UBE2K: variants seen among roughly 807,000 people sequenced by gnomAD.
UBE2K encodes ubiquitin-conjugating enzyme E2 K.
Under a neutral mutation model 30.0 loss-of-function variants are expected in UBE2K, and 6 were observed. That is an observed-to-expected ratio of 0.20 (90% CI 0.11 to 0.39). The LOEUF (loss-of-function observed/expected upper bound fraction) is 0.39, where lower values mean the gene tolerates loss of function less well. Among genes scored for constraint, UBE2K ranks in the 10% least tolerant of loss-of-function variants. The probability of loss-of-function intolerance (pLI) is 1.00; values close to 1 mark genes in which losing one functional copy is unlikely to be tolerated. For missense variants in UBE2K, 61 were observed against 241.6 expected (o/e 0.25, Z 4.96); for synonymous variants, 86 against 83.7 (o/e 1.03, Z -0.15).
Position 39,698,174 on chromosome 4 carries a change from G to T in UBE2K, c.-154G>T, listed in dbSNP as rs536698416. The T allele has an allele frequency of 1.4e-5, 11 of 763,384 alleles. No homozygotes were observed. In the East Asian group the frequency reaches 2.9e-4, roughly 20 times the overall value. 47.3% of individuals were successfully genotyped at this position (763,384 alleles called of 1,614,324 possible). A position where few individuals can be genotyped will look rare whatever the true frequency, so the allele number is the denominator to read the frequency against. ...CCGGGCGCGGAGGTGATTCCACACT[G>T]AGGCGAGCGCGGCGGCCGGGGTGGT... On this transcript the variant is annotated 5_prime_UTR_variant, in exon 1 of 7. Transcript: ENST00000261427.
At chr4:39,773,490 A>G (rs1485824288) in intron 4 of UBE2K, among the ~76,000 whole-genome samples, 3 of 151,908 alleles carry the variant, frequency 2.0e-5, no homozygotes, top group Non-Finnish European at 4.4e-5. Context: ...GAAAAGAAAA[A>G]AGAAAATATA....
rs186628078 is a variant in UBE2K, at chr4:39,765,429, T to C, written c.300-9405T>C. 2.5e-3 allele frequency among the ~76,000 whole-genome samples: 376 copies of C among 151,744 alleles called. 3 individuals carry two copies. The highest frequency in any genetic ancestry group is 8.6e-3 in the African/African-American group (357 of 41,386). ...GTCCCAGCTACTTGGGAGGCTGAGG[T>C]TGGAGGATCGCTTAAGCTCAGGAGG... On this transcript the variant is annotated intron_variant, in intron 4 of 6. Coordinates refer to ENST00000261427, the MANE Select transcript of UBE2K (RefSeq NM_005339.5).
chr4:39,737,575 C>G, intron 2 of UBE2K, 62 bp downstream of exon 2: 2 of 1,078,456 alleles, frequency 1.9e-6, no homozygotes, highest in Non-Finnish European at 1.3e-6. Context: ...AACATTTAAT[C>G]AGAATAATCT....
At chr4:39,769,049 C>A (rs1023493036) in intron 4 of UBE2K, among the ~76,000 whole-genome samples, 2 of 151,980 alleles carry the variant, frequency 1.3e-5, no homozygotes, top group African/African-American at 4.8e-5. Context: ...AGGTCTCGAG[C>A]TCCTGACCTC....
chr4:39,765,120 C>T lies in UBE2K; in HGVS notation c.299+9381C>T, dbSNP rs898713890. On this transcript the variant is annotated intron_variant, in intron 4 of 6. Transcript: ENST00000261427. ...CAGGATGGTCTCAATCTCCTGACCT[C>T]GTGATCCGCCCGCCTTGGCCTCCCA... Among the ~76,000 whole-genome samples, 8 of 152,024 alleles carry T rather than the reference C, an allele frequency of 5.3e-5. No individual in the cohort carries two copies. In the Middle Eastern group the frequency reaches 0.017, roughly 323 times the overall value.
intron 2 of UBE2K, among the ~76,000 whole-genome samples, chr4:39,742,081 A>G (rs141039779): frequency 6.0e-4 from 92 of 152,224 alleles, no homozygotes; most frequent in African/African-American, 2.2e-3. Flanking sequence ...TTATTTATAT[A>G]ATATCTGTGG....
chr4:39,767,299 G>T (rs1278518400), intron 4 of UBE2K, among the ~76,000 whole-genome samples: 4 of 139,790 alleles, frequency 2.9e-5, no homozygotes, highest in African/African-American at 8.1e-5. Context: ...CTTTTTTTCT[G>T]TTTTTTTTTT....
intron 3 of UBE2K, among the ~76,000 whole-genome samples, chr4:39,749,310 T>C (rs1721134306): frequency 6.6e-6 from 1 of 152,236 alleles, no homozygotes; most frequent in Admixed American, 6.5e-5. Flanking sequence ...AATTGCAATG[T>C]ATATTGTGTT....
At chr4:39,732,183 AC>A (rs1720110167) in intron 1 of UBE2K, among the ~76,000 whole-genome samples, 1 of 152,216 alleles carries the variant, frequency 6.6e-6, no homozygotes, top group East Asian at 1.9e-4. Flanking sequence ...CGTTAAATTC[AC>A]CAGCGAACCC....
At chr4:39,739,510 G>A (rs1410307478) in intron 2 of UBE2K, among the ~76,000 whole-genome samples, 2 of 134,314 alleles carry the variant, frequency 1.5e-5, no homozygotes, top group Non-Finnish European at 3.1e-5. Flanking sequence ...GCAGTGGTAC[G>A]ATCTTGGCTC....
At chr4:39,753,644 G>A (rs1485565625) in intron 3 of UBE2K, among the ~76,000 whole-genome samples, 1 of 152,208 alleles carries the variant, frequency 6.6e-6, no homozygotes, top group African/African-American at 2.4e-5. Flanking sequence ...GATATGGAAA[G>A]TGAAACTTGA....
chr4:39,733,652 T>A (rs1720200576), intron 1 of UBE2K, among the ~76,000 whole-genome samples: 1 of 152,142 alleles, frequency 6.6e-6, no homozygotes, highest in South Asian at 2.1e-4. Context: ...GTTTTATAGT[T>A]AATGTTGTTA....
chr4:39,758,444 G>C (rs183563300), intron 4 of UBE2K, among the ~76,000 whole-genome samples: 9 of 152,316 alleles, frequency 5.9e-5, no homozygotes, highest in Non-Finnish European at 8.8e-5. Flanking sequence ...TTAGAAGGCG[G>C]AAGTGGGCAG....
At chr4:39,776,650 A>T in intron 5 of UBE2K, among the ~76,000 whole-genome samples, 1 of 152,236 alleles carries the variant, frequency 6.6e-6, no homozygotes, top group East Asian at 1.9e-4. Context: ...TCTTTAACCT[A>T]TAAGATTTTA....
At chr4:39,715,850 T>A (rs1316059845) in intron 1 of UBE2K, among the ~76,000 whole-genome samples, 3 of 54,740 alleles carry the variant, frequency 5.5e-5, no homozygotes, top group Admixed American at 4.7e-4. Flanking sequence ...CGTTTTTTTT[T>A]ATTTATTTTT....
intron 3 of UBE2K, among the ~76,000 whole-genome samples, chr4:39,746,635 ATCT>A (rs1251991442): frequency 2.0e-5 from 3 of 152,130 alleles, no homozygotes; most frequent in Non-Finnish European, 4.4e-5. Flanking sequence ...TCCCACTCTA[ATCT>A]TCTACCACTT....
intron 1 of UBE2K, among the ~76,000 whole-genome samples, chr4:39,735,783 T>G (rs1720345004): frequency 6.6e-6 from 1 of 152,192 alleles, no homozygotes; most frequent in South Asian, 2.1e-4. Context: ...TTTCTTATTG[T>G]ACATATTTAT....
chr4:39,771,202 C>T (rs1209974550), intron 4 of UBE2K: 3 of 1,612,732 alleles, frequency 1.9e-6, no homozygotes, highest in East Asian at 2.2e-5. Context: ...GGCCACGATG[C>T]GTGCACTGTG....
chr4:39,723,466 T>C (rs1222587634), intron 1 of UBE2K, among the ~76,000 whole-genome samples: 1 of 151,578 alleles, frequency 6.6e-6, no homozygotes, highest in Non-Finnish European at 1.5e-5. Context: ...CCTCCCAGGT[T>C]CATGCCATTC....
Sources: allele counts gnomAD v4.1 joint callset (sites outside exome capture counted in the v4.1 genomes callset), GRCh38; gene constraint gnomAD v4.1.1; transcripts MANE v1.5; gene names NCBI Gene and HGNC (gene_info 2026-07-23, HGNC 2026-07-21).